Variants in ACTR3C observed in about 807,000 individuals in gnomAD.
The protein encoded by ACTR3C is actin related protein 3C, also known as actin-related protein 3C.
In ACTR3C, 18 loss-of-function variants were observed where a neutral mutation model predicts 26.3. The observed-to-expected ratio is 0.68, with a 90% CI of 0.47 to 1.01. ACTR3C has a LOEUF of 1.01. Among genes scored for constraint, ACTR3C ranks in the 50% least tolerant of loss-of-function variants. The pLI is 0.00. For missense variants in ACTR3C, 184 were observed against 250.7 expected (o/e 0.73, Z 1.80); for synonymous variants, 55 against 94.5 (o/e 0.58, Z 2.42).
the ACTR3C span, among the ~76,000 whole-genome samples, chr7:150,013,846 G>A: frequency 6.6e-6 from 1 of 152,206 alleles, no homozygotes; most frequent in Non-Finnish European, 1.5e-5. Flanking sequence ...CCAGGAACCA[G>A]AGACTCAGAG....
intron 6 of ACTR3C, among the ~76,000 whole-genome samples, chr7:150,270,975 A>C (rs549858109): frequency 1.1e-4 from 17 of 151,934 alleles, no homozygotes; most frequent in African/African-American, 4.1e-4. Context: ...CCCTCTTATA[A>C]TGTGGACTCC....
chr7:150,144,171 T>C, the ACTR3C span, among the ~76,000 whole-genome samples: 1 of 152,260 alleles, frequency 6.6e-6, no homozygotes, highest in Non-Finnish European at 1.5e-5. This position sits in a 1 kb window ranked among gnomAD's most constrained non-coding sequence, Gnocchi z 4.6. Context: ...TGCTAAGGAC[T>C]ATTAAATTCA....
the ACTR3C span, among the ~76,000 whole-genome samples, chr7:149,898,102 G>T: frequency 6.6e-6 from 1 of 152,198 alleles, no homozygotes; most frequent in South Asian, 2.1e-4. Context: ...AAGAAAGCAC[G>T]AGTGAAGTGG....
At chr7:150,179,797 T>A in the ACTR3C span, among the ~76,000 whole-genome samples, 2 of 151,864 alleles carry the variant, frequency 1.3e-5, no homozygotes, top group South Asian at 2.1e-4. Flanking sequence ...GCTGGGACTC[T>A]GATGGGATTT....
the ACTR3C span, among the ~76,000 whole-genome samples, chr7:150,039,155 G>C: frequency 2.0e-5 from 3 of 151,122 alleles, no homozygotes; most frequent in East Asian, 6.0e-4. Flanking sequence ...AAGCCGGTGG[G>C]GGAAGAGGGT....
the ACTR3C span, among the ~76,000 whole-genome samples, chr7:149,927,138 C>A: frequency 9.9e-5 from 15 of 151,940 alleles, no homozygotes; most frequent in African/African-American, 3.6e-4. Flanking sequence ...TATGCCCTGG[C>A]TGCCTCCACA....
chr7:150,033,645 A>C, the ACTR3C span, among the ~76,000 whole-genome samples: 39 of 113,026 alleles, frequency 3.5e-4, no homozygotes, highest in South Asian at 2.0e-3. Flanking sequence ...AGAGGGGGAA[A>C]AGGGAGTGGC....
chr7:149,897,304 G>A, the ACTR3C span, among the ~76,000 whole-genome samples: 36 of 152,298 alleles, frequency 2.4e-4, no homozygotes, highest in African/African-American at 8.7e-4. Flanking sequence ...CATAATAAAA[G>A]TAAAAGCTAA....
chr7:150,111,897 G>A, the ACTR3C span, among the ~76,000 whole-genome samples: 5 of 151,156 alleles, frequency 3.3e-5, no homozygotes, highest in Non-Finnish European at 5.9e-5. Context: ...CTCCCGGCGC[G>A]CTGGCCCGCC....
the ACTR3C span, among the ~76,000 whole-genome samples, chr7:150,161,220 A>T: frequency 2.3e-5 from 3 of 129,760 alleles, no homozygotes; most frequent in African/African-American, 6.6e-5. Flanking sequence ...ATATATATAT[A>T]TATATTTATT....
the ACTR3C span, among the ~76,000 whole-genome samples, chr7:150,230,461 T>C: frequency 6.6e-6 from 1 of 152,108 alleles, no homozygotes; most frequent in Non-Finnish European, 1.5e-5. Flanking sequence ...CATGGCCTGT[T>C]AGTAAAAGGG....
At chr7:150,125,065 T>A in the ACTR3C span, among the ~76,000 whole-genome samples, 2 of 152,228 alleles carry the variant, frequency 1.3e-5, no homozygotes, top group African/African-American at 4.8e-5. Context: ...TTGTCATATT[T>A]TCCTTTTTCT....
At chr7:150,196,046 G>A in the ACTR3C span, among the ~76,000 whole-genome samples, 2 of 152,136 alleles carry the variant, frequency 1.3e-5, no homozygotes, top group African/African-American at 4.8e-5. Flanking sequence ...ATTGAACATG[G>A]TATGCTTGTG....
In ACTR3C at chr7:150,291,034, T is replaced by C. The variant is rs564465945; in HGVS notation, c.154-1441A>G. ...TAAATTAATACGCAAAATATAACCT[T>C]AGGATTGTATTATATGTACAATCCC... is the stretch of plus-strand genomic sequence containing the variant. On this transcript the variant is annotated intron_variant, in intron 3 of 7. Coordinates refer to ENST00000683684, the MANE Select transcript of ACTR3C (RefSeq NM_001164458.2). 9.2e-5 allele frequency among the ~76,000 whole-genome samples: 14 copies of C among 152,342 alleles called. No individual in the cohort carries two copies. The South Asian group carries it at 2.9e-3, about 32-fold the overall frequency.
At chr7:150,067,155 A>G in the ACTR3C span, among the ~76,000 whole-genome samples, 1 of 152,266 alleles carries the variant, frequency 6.6e-6, no homozygotes. Context: ...TGCAGTCAAT[A>G]CAAAGAATGA....
chr7:150,227,689 T>TG, the ACTR3C span, among the ~76,000 whole-genome samples: 46 of 124,506 alleles, frequency 3.7e-4, no homozygotes, highest in East Asian at 9.1e-4. Context: ...TGTGTCTGGG[T>TG]TTTTTTTTTT....
At chr7:149,985,393 G>A in the ACTR3C span, among the ~76,000 whole-genome samples, 4 of 152,058 alleles carry the variant, frequency 2.6e-5, no homozygotes, top group Non-Finnish European at 4.4e-5. Flanking sequence ...TACCCACACC[G>A]GTGATAGGAC....
the ACTR3C span, among the ~76,000 whole-genome samples, chr7:149,971,061 A>G: frequency 6.6e-6 from 1 of 152,234 alleles, no homozygotes; most frequent in Admixed American, 6.5e-5. Context: ...CAAAGTGGAA[A>G]TGGACTGTGT....
the ACTR3C span, among the ~76,000 whole-genome samples, chr7:150,168,664 G>C: frequency 1.3e-5 from 2 of 150,692 alleles, 1 homozygote; most frequent in African/African-American, 5.0e-5. Flanking sequence ...CAAAAAAGTT[G>C]GGGACTGCTG....
Sources: gnomAD v4.1 joint callset for allele counts (sites outside exome capture counted in the v4.1 genomes callset) on GRCh38, gnomAD v4.1.1 for gene constraint, Gnocchi (gnomAD v3.1) non-coding constraint, MANE v1.5 for transcripts, NCBI Gene and HGNC (gene_info 2026-07-23, HGNC 2026-07-21) for gene names.